PYROXD1: variants seen among roughly 807,000 people sequenced by gnomAD.
PYROXD1 encodes the protein tRNA ligase complex-associated NAD(P)H dehydrogenase PYROXD1.
In PYROXD1, 42 loss-of-function variants were observed where a neutral mutation model predicts 62.0. The ratio of observed to expected loss-of-function variants is 0.68; its 90% CI spans 0.53 to 0.88. The LOEUF (loss-of-function observed/expected upper bound fraction) is 0.88, where lower values mean the gene tolerates loss of function less well. Ranked by LOEUF, PYROXD1 falls within the 40% of genes least tolerant of loss-of-function variation. The pLI is 0.00. For synonymous variants in PYROXD1, 170 were observed against 206.4 expected, an observed-to-expected ratio of 0.82 and a Z score of 1.51; for missense variants, 493 against 604.8, an observed-to-expected ratio of 0.82 and a Z score of 1.94.
At chr12:21,456,918 C>G (rs1233710950) in intron 7 of PYROXD1, 1 of 451,402 alleles carries the variant, frequency 2.2e-6, no homozygotes, top group African/African-American at 2.0e-5. Flanking sequence ...TAACTACGTT[C>G]TTTGCTCATC....
intron 7 of PYROXD1, chr12:21,457,014 A>G: frequency 8.9e-6 from 3 of 336,882 alleles, no homozygotes; most frequent in Non-Finnish European, 1.7e-5. Flanking sequence ...TTCTAATTAC[A>G]GTTCTTTTGT....
intron 7 of PYROXD1, among the ~76,000 whole-genome samples, chr12:21,457,560 A>G (rs1942621061): frequency 6.6e-6 from 1 of 152,006 alleles, no homozygotes; most frequent in Admixed American, 6.6e-5. Flanking sequence ...GAGAGTAGGT[A>G]ATATTTATAA....
intron 5 of PYROXD1, among the ~76,000 whole-genome samples, chr12:21,453,576 T>C (rs2192178): frequency 0.99 from 150,021 of 152,228 alleles, 73,977 homozygotes; most frequent in East Asian, 1. Flanking sequence ...CACAAAACCG[T>C]AATATCTCAT....
rs1942591529 is a variant in PYROXD1, at chr12:21,456,085, GA to G, written c.742del (p.Thr248GlnfsTer16). ...TGGCATGAAGGCTTGAATCTTAAAGGAACAAAAGAGGTATCTTTTCATATAC... is the reference window on the plus strand; with the variant it reads ...TGGCATGAAGGCTTGAATCTTAAAGGACAAAAGAGGTATCTTTTCATATAC... ...PDWHEGLNLKGTKEFSHKIHL... is the reference protein window; with the variant it reads ...PDWHEGLNLKXTKEFSHKIHL... On this transcript the variant is annotated frameshift_variant, in exon 7 of 12. Transcript: ENST00000240651. LOFTEE classifies it high-confidence loss of function. 6.3e-7 allele frequency: 1 copy of G among 1,588,470 alleles called. No homozygotes were observed. The highest frequency in any genetic ancestry group is 1.7e-5 in the Admixed American group (1 of 58,322).
chr12:21,466,572 T>C (rs146002366), intron 10 of PYROXD1, among the ~76,000 whole-genome samples: 2,899 of 152,306 alleles, frequency 0.019, 83 homozygotes, highest in African/African-American at 0.065. Flanking sequence ...GCTGAGCTGA[T>C]GGGGTTTTCT....
chr12:21,462,343 A>G lies in PYROXD1; in HGVS notation c.993+223A>G, dbSNP rs540691288. ...TAAGCGTCATCAGTAATGGTTTATA[A>G]TGTACAATTTATTTATCTAAATGTT... On this transcript the variant is annotated intron_variant, in intron 9 of 11. Transcript: ENST00000240651. 3.9e-5 allele frequency among the ~76,000 whole-genome samples: 6 copies of G among 152,266 alleles called. No homozygotes were observed. The South Asian group carries it at 1.2e-3, about 32-fold the overall frequency.
At chr12:21,462,595 G>A in intron 9 of PYROXD1, 145 bp from the exon 10 acceptor site, 3 of 807,026 alleles carry the variant, frequency 3.7e-6, no homozygotes, top group South Asian at 1.7e-5. Flanking sequence ...TTCAGCTCAG[G>A]TGTCTAAACT....
intron 11 of PYROXD1, 52 bp from the exon 12 acceptor site, chr12:21,468,454 T>C: frequency 6.5e-7 from 1 of 1,528,912 alleles, no homozygotes; most frequent in Non-Finnish European, 8.9e-7. Context: ...AACTACCCAT[T>C]ACATTTTCTT....
At position 21,471,157 on chromosome 12, in the gene PYROXD1, T is replaced by G. The variant is rs1942948031; in HGVS notation, c.*2403T>G. ...TTTGAAGGAATCACGGAAAACAAAT[T>G]TATAAAAGAAATAACTATATGCGCA... is the stretch of plus-strand genomic sequence containing the variant. On this transcript the variant is annotated 3_prime_UTR_variant, in exon 12 of 12. Transcript: ENST00000240651. 2.0e-6 allele frequency: 3 copies of G among 1,476,264 alleles called. No homozygotes were observed. Among genetic ancestry groups the G allele is most frequent in the Admixed American group, 5.1e-5 (2 of 39,260 alleles). The allele number at this position is 1,476,264 out of a possible 1,614,324, so 91.4% of individuals were successfully genotyped here. A position where few individuals can be genotyped will look rare whatever the true frequency, so the allele number is the denominator to read the frequency against.
chr12:21,455,924 TAAAA>T (rs1942587590), intron 6 of PYROXD1, 67 bp from the exon 7 acceptor site: 1 of 934,040 alleles, frequency 1.1e-6, no homozygotes, highest in Non-Finnish European at 1.7e-6. Flanking sequence ...ATTGCCTAAA[TAAAA>T]AACTTCAGAA....
At chr12:21,456,993 T>C in intron 7 of PYROXD1, 1 of 372,736 alleles carries the variant, frequency 2.7e-6, no homozygotes, top group Admixed American at 3.7e-5. Flanking sequence ...AGTCTCATCT[T>C]CAGGATTCAT....
Position 21,444,316 on chromosome 12 carries a change from A to G in PYROXD1, c.166-1031A>G, listed in dbSNP as rs777850955. On this transcript the variant is annotated intron_variant, in intron 2 of 11. Transcript: ENST00000240651. The stretch of plus-strand genomic sequence containing the variant: ...TATCTTTATGATTTATTGAGTACCT[A>G]TATTATATATTAACCAATGTGCTAG... 2.6e-5 allele frequency among the ~76,000 whole-genome samples: 4 copies of G among 152,194 alleles called. No homozygotes were observed. The East Asian group carries it at 7.7e-4, about 29-fold the overall frequency.
chr12:21,438,141 T>G (rs1255974839), intron 1 of PYROXD1: 2 of 260,794 alleles, frequency 7.7e-6, no homozygotes, highest in Non-Finnish European at 1.5e-5. Context: ...TTCTTTTTAT[T>G]TTTTTTTCTT....
intron 2 of PYROXD1, chr12:21,441,390 A>G (rs11046051): frequency 0.11 from 16,726 of 152,088 alleles, 1,027 homozygotes; most frequent in East Asian, 0.29. Flanking sequence ...GTCTCCTTCT[A>G]TAACGCCTAT....
At chr12:21,444,333 A>G (rs1942348004) in intron 2 of PYROXD1, among the ~76,000 whole-genome samples, 2 of 152,248 alleles carry the variant, frequency 1.3e-5, no homozygotes, top group South Asian at 2.1e-4. Flanking sequence ...ATATTAACCA[A>G]TGTGCTAGGC....
chr12:21,443,151 C>G (rs531034612), intron 2 of PYROXD1, among the ~76,000 whole-genome samples: 2 of 151,970 alleles, frequency 1.3e-5, no homozygotes, highest in Non-Finnish European at 2.9e-5. Context: ...TAAAAAAGCT[C>G]GAGTTGAGAA....
chr12:21,468,087 T>C (rs1047538209), intron 11 of PYROXD1, among the ~76,000 whole-genome samples: 2 of 152,014 alleles, frequency 1.3e-5, no homozygotes, highest in African/African-American at 4.8e-5. Context: ...TAAGAAACTT[T>C]TCCATGAAAG....
intron 3 of PYROXD1, 50 bp from the exon 4 acceptor site, chr12:21,449,513 C>T: frequency 1.9e-6 from 3 of 1,543,768 alleles, no homozygotes; most frequent in South Asian, 1.2e-5. Context: ...AAGTTGTATC[C>T]ATGTTGATTA....
intron 11 of PYROXD1, among the ~76,000 whole-genome samples, chr12:21,467,994 C>T (rs1358840825): frequency 5.4e-5 from 8 of 146,842 alleles, no homozygotes; most frequent in African/African-American, 1.5e-4. Flanking sequence ...CAGTCCTCTT[C>T]ACATTGACAA....
Sources: gnomAD v4.1 joint callset for allele counts (sites outside exome capture counted in the v4.1 genomes callset) on GRCh38, gnomAD v4.1.1 for gene constraint, MANE v1.5 for transcripts, NCBI Gene and HGNC (gene_info 2026-07-23, HGNC 2026-07-21) for gene names.